The following CDYL2 variants were observed in gnomAD, a reference collection of about 807,000 sequenced individuals.
CDYL2 encodes the protein chromodomain Y-like protein 2.
In CDYL2, 23 loss-of-function variants were observed where a neutral mutation model predicts 49.4. That is an observed-to-expected ratio of 0.47 (90% CI 0.34 to 0.66). The LOEUF is 0.66. Ranked by LOEUF, CDYL2 falls within the 30% of genes least tolerant of loss-of-function variation. The pLI is 0.01. For missense variants in CDYL2, 678 were observed against 656.4 expected (o/e 1.03, Z -0.36); for synonymous variants, 360 against 268.8 (o/e 1.34, Z -3.32).
intron 1 of CDYL2, among the ~76,000 whole-genome samples, chr16:80,772,110 A>G (rs78443796): frequency 0.098 from 14,993 of 152,272 alleles, 831 homozygotes; most frequent in African/African-American, 0.13. Context: ...TAAGGAAATA[A>G]CTGCAGTCCG....
chr16:80,608,340 T>C, intron 5 of CDYL2, 105 bp from the exon 6 acceptor site: 1 of 1,249,296 alleles, frequency 8.0e-7, no homozygotes, highest in Non-Finnish European at 1.1e-6. Context: ...CTGGAAGGCA[T>C]CTTGCCTTCC....
rs538332111 is a variant in CDYL2 at position 80,792,029 on chromosome 16, A to T, written c.24+12121T>A. On this transcript the variant is annotated intron_variant, in intron 1 of 6. Transcript: ENST00000570137. ...ATATGCAGGATGCTGATTCAATAGA[A>T]CACACATGGCATCTGCGCAAAACAA... is the stretch of plus-strand genomic sequence containing the variant. 1.4e-4 allele frequency among the ~76,000 whole-genome samples: 22 copies of T among 152,302 alleles called. 1 individual carries two copies. The highest frequency in any genetic ancestry group is 4.6e-4 in the African/African-American group (19 of 41,574).
intron 1 of CDYL2, among the ~76,000 whole-genome samples, chr16:80,759,099 A>T (rs962149304): frequency 2.2e-5 from 1 of 45,916 alleles, no homozygotes; most frequent in African/African-American, 1.4e-4. Context: ...TACAAACCAT[A>T]TACTATATAT....
chr16:80,752,179 T>A (rs375479328), intron 1 of CDYL2, among the ~76,000 whole-genome samples: 2 of 151,902 alleles, frequency 1.3e-5, no homozygotes, highest in African/African-American at 4.8e-5. Flanking sequence ...TAACAGCATA[T>A]AAAACACAAA....
At chr16:80,765,728 CAA>C (rs35740729) in intron 1 of CDYL2, among the ~76,000 whole-genome samples, 7,244 of 54,870 alleles carry the variant, frequency 0.13, 129 homozygotes, top group African/African-American at 0.15. Flanking sequence ...GTATTAATCG[CAA>C]AAAAAAAAAA....
intron 2 of CDYL2, among the ~76,000 whole-genome samples, chr16:80,656,027 A>G (rs570900217): frequency 6.3e-4 from 96 of 152,360 alleles, no homozygotes; most frequent in Non-Finnish European, 9.0e-4. Flanking sequence ...AGAAGCAAGG[A>G]AGCCACACGA....
intron 3 of CDYL2, among the ~76,000 whole-genome samples, chr16:80,630,287 G>T (rs776011950): frequency 6.6e-6 from 1 of 152,234 alleles, no homozygotes; most frequent in Non-Finnish European, 1.5e-5. Flanking sequence ...AGCTCAGGAG[G>T]TGAGAACCTG....
intron 1 of CDYL2, among the ~76,000 whole-genome samples, chr16:80,715,537 C>T (rs1002215747): frequency 2.0e-5 from 3 of 152,168 alleles, no homozygotes; most frequent in Non-Finnish European, 4.4e-5. Context: ...GACACCAGCT[C>T]TCATAGCAGC....
intron 2 of CDYL2, among the ~76,000 whole-genome samples, chr16:80,649,178 G>GAAGCTT (rs1383491658): frequency 6.6e-6 from 1 of 152,030 alleles, no homozygotes; most frequent in Non-Finnish European, 1.5e-5. Flanking sequence ...GGCTTCCAAA[G>GAAGCTT]TGGAAAGAAA....
chr16:80,785,630 A>G (rs537601876), intron 1 of CDYL2, among the ~76,000 whole-genome samples: 1 of 152,286 alleles, frequency 6.6e-6, no homozygotes, highest in Admixed American at 6.5e-5. Context: ...TTCATATAGA[A>G]CCAAAAAAGA....
rs12103264 is a variant in CDYL2, at chr16:80,768,913, A to G, written c.24+35237T>C. Among the ~76,000 whole-genome samples, 523 of 152,344 alleles carry G rather than the reference A, an allele frequency of 3.4e-3. 2 individuals carry two copies. Among genetic ancestry groups the G allele is most frequent in the African/African-American group, 0.011 (449 of 41,582 alleles). ...AGAAAATGGCATATAATAAGTATCCATAAATATTAGCTATTGTTATTAGTA... is the reference window on the plus strand; with the variant it reads ...AGAAAATGGCATATAATAAGTATCCGTAAATATTAGCTATTGTTATTAGTA... On this transcript the variant is annotated intron_variant, in intron 1 of 6. Coordinates refer to ENST00000570137, the MANE Select transcript of CDYL2 (RefSeq NM_152342.4).
intron 4 of CDYL2, among the ~76,000 whole-genome samples, chr16:80,614,394 G>A (rs1760106899): frequency 6.6e-6 from 1 of 152,154 alleles, no homozygotes; most frequent in Non-Finnish European, 1.5e-5. Context: ...CATCTTGATG[G>A]GCACAGCAGT....
chr16:80,746,566 C>A (rs1196152922), intron 1 of CDYL2, among the ~76,000 whole-genome samples: 3 of 152,192 alleles, frequency 2.0e-5, no homozygotes, highest in East Asian at 3.9e-4. Context: ...GAATGTAGGG[C>A]AAAGGAAGCC....
At chr16:80,734,303 T>C (rs1294311270) in intron 1 of CDYL2, among the ~76,000 whole-genome samples, 1 of 152,182 alleles carries the variant, frequency 6.6e-6, no homozygotes, top group Non-Finnish European at 1.5e-5. Context: ...CCACGCTACA[T>C]GGAGTAGGAC....
chr16:80,754,127 T>C (rs1032106358), intron 1 of CDYL2, among the ~76,000 whole-genome samples: 1 of 152,112 alleles, frequency 6.6e-6, no homozygotes, highest in Admixed American at 6.5e-5. Flanking sequence ...CTCAACACAA[T>C]CCTACTTTGC....
At chr16:80,663,862 G>C (rs536623887) in intron 2 of CDYL2, among the ~76,000 whole-genome samples, 1 of 152,174 alleles carries the variant, frequency 6.6e-6, no homozygotes, top group African/African-American at 2.4e-5. Flanking sequence ...AAAGTGCTGG[G>C]ATTAGAGGTG....
chr16:80,654,088 A>T (rs1908702669), intron 2 of CDYL2, among the ~76,000 whole-genome samples: 1 of 152,228 alleles, frequency 6.6e-6, no homozygotes, highest in Admixed American at 6.5e-5. Context: ...ATGGAGCCAC[A>T]TCTCACGATG....
At chr16:80,759,474 C>T (rs1906454183) in intron 1 of CDYL2, among the ~76,000 whole-genome samples, 2 of 152,128 alleles carry the variant, frequency 1.3e-5, no homozygotes, top group African/African-American at 2.4e-5. Flanking sequence ...TGTTAACTAT[C>T]GATGAGTCAT....
intron 2 of CDYL2, among the ~76,000 whole-genome samples, chr16:80,666,036 G>C (rs554721577): frequency 6.6e-6 from 1 of 152,304 alleles, no homozygotes; most frequent in South Asian, 2.1e-4. Context: ...ACCTGAAGCG[G>C]AGTCTGACAA....
Sources: allele counts gnomAD v4.1 joint callset (sites outside exome capture counted in the v4.1 genomes callset), GRCh38; gene constraint gnomAD v4.1.1; transcripts MANE v1.5; gene names NCBI Gene and HGNC (gene_info 2026-07-23, HGNC 2026-07-21).